Variants in AGBL1 observed in about 807,000 individuals in gnomAD.
AGBL1 encodes the protein cytosolic carboxypeptidase 4.
In AGBL1, 130 loss-of-function variants were observed where a neutral mutation model predicts 118.9. That is an observed-to-expected ratio of 1.09 (90% confidence interval 0.95 to 1.26). The LOEUF (loss-of-function observed/expected upper bound fraction) is 1.26, where lower values mean the gene tolerates loss of function less well. AGBL1 is among the 50% of genes most tolerant of loss of function. The pLI, the probability that AGBL1 is intolerant of heterozygous loss-of-function variation, is 0.00. For synonymous variants in AGBL1, 555 were observed against 478.9 expected, an observed-to-expected ratio of 1.16 and a Z score of -2.08; for missense variants, 1,584 against 1,298.1, an observed-to-expected ratio of 1.22 and a Z score of -3.38.
intron 1 of AGBL1, among the ~76,000 whole-genome samples, chr15:86,129,586 T>C (rs2076792769): frequency 6.6e-6 from 1 of 152,232 alleles, no homozygotes; most frequent in Non-Finnish European, 1.5e-5. Context: ...GCCAAGTTTG[T>C]ATTTTGCAAC....
chr15:86,858,077 C>G (rs1475550479), intron 22 of AGBL1, among the ~76,000 whole-genome samples: 1 of 152,296 alleles, frequency 6.6e-6, no homozygotes, highest in African/African-American at 2.4e-5. Context: ...ACAGGCTAAG[C>G]TCCCCTGATA....
chr15:86,599,664 C>G (rs2084464796), intron 21 of AGBL1, among the ~76,000 whole-genome samples: 1 of 152,070 alleles, frequency 6.6e-6, no homozygotes, highest in Admixed American at 6.6e-5. Flanking sequence ...GCCCAGTAAG[C>G]TATCAATTCC....
intron 16 of AGBL1, among the ~76,000 whole-genome samples, chr15:86,283,989 A>G (rs909464157): frequency 8.6e-5 from 13 of 152,028 alleles, no homozygotes; most frequent in African/African-American, 3.1e-4. Flanking sequence ...AAAATTGGAA[A>G]CAAAAAAGCA....
chr15:86,498,340 A>G (rs2082878499), intron 18 of AGBL1, among the ~76,000 whole-genome samples: 1 of 151,966 alleles, frequency 6.6e-6, no homozygotes, highest in Non-Finnish European at 1.5e-5. Context: ...ACAGGTACTA[A>G]ATACTCATTT....
chr15:86,182,059 G>A (rs752850871), intron 5 of AGBL1, among the ~76,000 whole-genome samples: 1 of 151,656 alleles, frequency 6.6e-6, no homozygotes, highest in South Asian at 2.1e-4. Flanking sequence ...AATAGAGAAG[G>A]GTTTTTTGAG....
chr15:86,917,209 C>T (rs1220064262), downstream of AGBL1, among the ~76,000 whole-genome samples: 2 of 152,090 alleles, frequency 1.3e-5, no homozygotes, highest in Admixed American at 1.3e-4. The surrounding 1 kb of genome is among the most constrained non-coding windows in gnomAD (Gnocchi z 4.8). Flanking sequence ...CTCGTTTCCT[C>T]CCCACTGTGC....
intron 17 of AGBL1, among the ~76,000 whole-genome samples, chr15:86,330,499 A>G (rs1364779343): frequency 2.0e-5 from 3 of 152,252 alleles, no homozygotes; most frequent in Non-Finnish European, 4.4e-5. Context: ...CGTGAAAATA[A>G]TTACACAAAT....
intron 22 of AGBL1, among the ~76,000 whole-genome samples, chr15:86,744,408 A>G (rs1231272224): frequency 6.6e-6 from 1 of 152,126 alleles, no homozygotes; most frequent in Non-Finnish European, 1.5e-5. Flanking sequence ...AACAAGGCCA[A>G]GTGATCTGCT....
At chr15:86,098,393 A>G (rs1472421540) in intron 1 of AGBL1, among the ~76,000 whole-genome samples, 8 of 152,084 alleles carry the variant, frequency 5.3e-5, no homozygotes, top group Non-Finnish European at 8.8e-5. Flanking sequence ...GCTTTGGGCC[A>G]ATGTCCTAAA....
intron 1 of AGBL1, among the ~76,000 whole-genome samples, chr15:86,135,053 G>C (rs996721102): frequency 6.6e-6 from 1 of 152,170 alleles, no homozygotes; most frequent in African/African-American, 2.4e-5. Flanking sequence ...CTTGCACAGA[G>C]TAGGCATTCA....
At chr15:86,599,352 A>G (rs889237372) in intron 21 of AGBL1, among the ~76,000 whole-genome samples, 3 of 152,024 alleles carry the variant, frequency 2.0e-5, no homozygotes, top group Admixed American at 6.6e-5. Context: ...TTTAGCTGCC[A>G]TAAAGCCCAG....
intron 23 of AGBL1, among the ~76,000 whole-genome samples, chr15:86,937,914 G>A (rs2080695914): frequency 6.6e-6 from 1 of 152,212 alleles, no homozygotes; most frequent in African/African-American, 2.4e-5. Flanking sequence ...AAAGCATGCA[G>A]GGACCTCAAA....
chr15:86,408,424 C>G (rs918098393), intron 18 of AGBL1, among the ~76,000 whole-genome samples: 1 of 152,348 alleles, frequency 6.6e-6, no homozygotes, highest in East Asian at 1.9e-4. Context: ...ATCATAATCT[C>G]TTCGCAGTTA....
chr15:86,847,079 A>G (rs2079330159), intron 22 of AGBL1, among the ~76,000 whole-genome samples: 1 of 152,070 alleles, frequency 6.6e-6, no homozygotes, highest in Admixed American at 6.5e-5. Flanking sequence ...ATTTTATTTT[A>G]GTTATTATGT....
At chr15:86,820,195 G>A (rs1347024643) in intron 22 of AGBL1, among the ~76,000 whole-genome samples, 1 of 152,128 alleles carries the variant, frequency 6.6e-6, no homozygotes, top group East Asian at 1.9e-4. Flanking sequence ...GCTTCTGGAA[G>A]AAAACCTAGG....
At chr15:86,876,955 C>T (rs2079818472) in intron 22 of AGBL1, among the ~76,000 whole-genome samples, 1 of 152,106 alleles carries the variant, frequency 6.6e-6, no homozygotes, top group Admixed American at 6.5e-5. Flanking sequence ...ATAAAAATAA[C>T]AATAGCAATA....
chr15:86,265,796 A>C (rs938172229), intron 11 of AGBL1, among the ~76,000 whole-genome samples: 1 of 152,142 alleles, frequency 6.6e-6, no homozygotes, highest in Non-Finnish European at 1.5e-5. Context: ...CACCTCCCTT[A>C]TGAACTGGAT....
chr15:86,706,028 A>G (rs1400448143), intron 22 of AGBL1, among the ~76,000 whole-genome samples: 4 of 152,150 alleles, frequency 2.6e-5, no homozygotes, highest in Non-Finnish European at 5.9e-5. Context: ...AATTCAAGAC[A>G]TGAGATCTAT....
At chr15:86,705,443 T>G (rs1443330278) in intron 22 of AGBL1, among the ~76,000 whole-genome samples, 1 of 152,252 alleles carries the variant, frequency 6.6e-6, no homozygotes, top group African/African-American at 2.4e-5. Context: ...AATTTCAAAC[T>G]CATAGAGTTA....
Sources: gnomAD v4.1 joint callset for allele counts (sites outside exome capture counted in the v4.1 genomes callset) on GRCh38, gnomAD v4.1.1 for gene constraint, Gnocchi (gnomAD v3.1) non-coding constraint, MANE v1.5 for transcripts, NCBI Gene and HGNC (gene_info 2026-07-23, HGNC 2026-07-21) for gene names.